Variants in MBLAC2 observed in about 807,000 individuals in gnomAD.
MBLAC2 encodes the protein acyl-coenzyme A thioesterase MBLAC2.
In MBLAC2, 24 loss-of-function variants were observed where a neutral mutation model predicts 23.3. The ratio of observed to expected loss-of-function variants is 1.03; its 90% CI spans 0.75 to 1.45. The LOEUF (loss-of-function observed/expected upper bound fraction) is 1.45. Among genes scored for constraint, MBLAC2 ranks in the 40% most tolerant of loss-of-function variants. The pLI is 0.00. For missense variants in MBLAC2, 358 were observed against 370.0 expected (o/e 0.97, Z 0.27); for synonymous variants, 162 against 150.9 (o/e 1.07, Z -0.54).
chr5:90,474,366 A>C lies in MBLAC2; in HGVS notation c.-74T>G. 2.9e-6 allele frequency: 4 copies of C among 1,376,036 alleles called. No homozygotes were observed. In the South Asian group the frequency reaches 3.6e-5, roughly 13 times the overall value. 85.2% of individuals were successfully genotyped at this position (1,376,036 alleles called of 1,614,324 possible). A position where few individuals can be genotyped will look rare whatever the true frequency, so the allele number is the denominator to read the frequency against. On this transcript the variant is annotated 5_prime_UTR_variant, in exon 1 of 2. Transcript: ENST00000316610. The stretch of plus-strand genomic sequence containing the variant: ...CCCACAGGCTGTCCACACACAGGGC[A>C]CTGCGGCTGTGTGAAGCGGTCTGCC...
Position 90,458,470 on chromosome 5 carries a change from T to C in MBLAC2, c.*2697A>G, listed in dbSNP as rs1436699108. On this transcript the variant is annotated 3_prime_UTR_variant, in exon 2 of 2. Transcript: ENST00000316610. ...AAATTACTTCTAAATGTCTTACATTTTGACAACTTTGAATTATACTTACAT... is the reference window on the plus strand; with the variant it reads ...AAATTACTTCTAAATGTCTTACATTCTGACAACTTTGAATTATACTTACAT... 1 of 152,202 alleles carries C rather than the reference T, an allele frequency of 6.6e-6. No individual in the cohort carries two copies. The highest frequency in any genetic ancestry group is 1.9e-4 in the East Asian group (1 of 5,204). The allele number at this position is 152,202 out of a possible 1,614,324, so 9.4% of individuals were successfully genotyped here.
chr5:90,462,798 G>C (rs1190990806), intron 1 of MBLAC2, among the ~76,000 whole-genome samples: 5 of 152,046 alleles, frequency 3.3e-5, no homozygotes, highest in Admixed American at 6.6e-5. Context: ...ATTCTTCTCT[G>C]TGTAATTCAT....
Position 90,469,806 on chromosome 5 carries a change from C to A in MBLAC2, c.454+4033G>T, listed in dbSNP as rs867228831. Among the ~76,000 whole-genome samples the A allele has an allele frequency of 9.2e-5, 14 of 152,238 alleles. No homozygotes were observed. The South Asian group carries it at 1.5e-3, about 16-fold the overall frequency. ...GGGATGTAAATTAGTACAGCAACTA[C>A]GGAAAATGGTATGGAGGTTCCTCAA... On this transcript the variant is annotated intron_variant, in intron 1 of 1. Coordinates refer to ENST00000316610, the MANE Select transcript of MBLAC2 (RefSeq NM_203406.2).
At chr5:90,467,137 T>TA (rs1210954281) in intron 1 of MBLAC2, among the ~76,000 whole-genome samples, 4 of 152,052 alleles carry the variant, frequency 2.6e-5, no homozygotes, top group African/African-American at 9.7e-5. Flanking sequence ...CTCAAAAAAG[T>TA]AAAAAATAAA....
At position 90,474,161 on chromosome 5, in the gene MBLAC2, G is replaced by A. The variant is rs1025238708; in HGVS notation, c.132C>T (p.Ile44=). ...LVRGSEQDVV[I]DTGLGLRSLP... is the part of the protein sequence containing the mutation. ...GGCTGCGCAGCCCCAGGCCTGTATC[G>A]ATCACCACGTCCTGCTCGGAGCCGC... is the stretch of plus-strand genomic sequence containing the variant. Residue 44 remains isoleucine (I), a synonymous_variant, in exon 1 of 2, where the codon ATC becomes ATT. Coordinates refer to ENST00000316610, the MANE Select transcript of MBLAC2 (RefSeq NM_203406.2). The A allele has an allele frequency of 5.6e-6, 9 of 1,599,620 alleles. No homozygotes were observed. Among genetic ancestry groups the A allele is most frequent in the African/African-American group, 1.3e-5 (1 of 74,738 alleles).
intron 1 of MBLAC2, among the ~76,000 whole-genome samples, chr5:90,470,337 G>T (rs1750523723): frequency 6.6e-6 from 1 of 152,212 alleles, no homozygotes; most frequent in Admixed American, 6.5e-5. Flanking sequence ...ATAGCTAGAA[G>T]ATTTGGAATG....
chr5:90,461,955 A>G (rs1283984835), intron 1 of MBLAC2, among the ~76,000 whole-genome samples: 1 of 152,210 alleles, frequency 6.6e-6, no homozygotes, highest in East Asian at 1.9e-4. Context: ...CAATTTCTCA[A>G]ACTTATTTGA....
At chr5:90,472,520 C>T (rs1750573119) in intron 1 of MBLAC2, 1 of 151,404 alleles carries the variant, frequency 6.6e-6, no homozygotes, top group African/African-American at 2.4e-5. Flanking sequence ...TTTTTTAGCA[C>T]CGATAAGCAG....
Position 90,474,314 on chromosome 5 carries a change from G to A in MBLAC2, c.-22C>T. On this transcript the variant is annotated 5_prime_UTR_variant, in exon 1 of 2. Coordinates refer to ENST00000316610, the MANE Select transcript of MBLAC2 (RefSeq NM_203406.2). The stretch of plus-strand genomic sequence containing the variant: ...ACATGCTGGGCAGGGGTGCAGCCAG[G>A]CGGGGTGAGTGTGGGCGTGCGAGTC... 6.2e-7 allele frequency: 1 copy of A among 1,607,682 alleles called. No individual in the cohort carries two copies. The highest frequency in any genetic ancestry group is 2.2e-5 in the East Asian group (1 of 44,806).
rs1470628390 is a variant in MBLAC2 at position 90,461,394 on chromosome 5, T to C, written c.613A>G (p.Ile205Val). Reference protein sequence around the residue: ...SLIDWLPYSRISDYVGTCERL... With the variant: ...SLIDWLPYSRVSDYVGTCERL... Reference sequence around the variant, plus strand: ...TCACAAGTTCCAACATAGTCACTTATCCTGCTGTATGGGAGCCAGTCAATC... The same window carrying C: ...TCACAAGTTCCAACATAGTCACTTACCCTGCTGTATGGGAGCCAGTCAATC... Residue 205 changes from isoleucine (I) to valine (V), a missense_variant, in exon 2 of 2, where the codon ATA becomes GTA. Ile to Val is a conservative substitution (Grantham distance 29). Coordinates refer to ENST00000316610, the MANE Select transcript of MBLAC2 (RefSeq NM_203406.2). 2 of 1,614,050 alleles carry C rather than the reference T, an allele frequency of 1.2e-6. No homozygotes were observed. Among genetic ancestry groups the C allele is most frequent in the African/African-American group, 2.7e-5 (2 of 74,918 alleles).
rs9293544 is a variant in MBLAC2, at chr5:90,474,017, G to A, written c.276C>T (p.Leu92=). 14,412 of 1,595,326 alleles carry A rather than the reference G, an allele frequency of 9.0e-3. 1,116 individuals are homozygous for A. In the African/African-American group the frequency reaches 0.17, roughly 19 times the overall value. ...GCACTGCCACGCGGTCGAACTGGTA[G>A]AGGCCGCCGGAGTGGTCGAAGTGCA... ...THVHFDHSGG[L]YQFDRVAVHH... is the part of the protein sequence containing the mutation. Residue 92 remains leucine (L), a synonymous_variant, in exon 1 of 2, where the codon CTC becomes CTT. Coordinates refer to ENST00000316610, the MANE Select transcript of MBLAC2 (RefSeq NM_203406.2).
chr5:90,471,194 A>T (rs779026223), intron 1 of MBLAC2, among the ~76,000 whole-genome samples: 1 of 152,206 alleles, frequency 6.6e-6, no homozygotes, highest in Non-Finnish European at 1.5e-5. Flanking sequence ...GCTTCGGAAG[A>T]GAGCCAAATT....
At chr5:90,471,001 T>C (rs1187934907) in intron 1 of MBLAC2, among the ~76,000 whole-genome samples, 1 of 152,208 alleles carries the variant, frequency 6.6e-6, no homozygotes, top group African/African-American at 2.4e-5. Flanking sequence ...CTACTGCCTA[T>C]TGCAAATTCC....
At chr5:90,469,918 A>C (rs1393228384) in intron 1 of MBLAC2, among the ~76,000 whole-genome samples, 1 of 152,236 alleles carries the variant, frequency 6.6e-6, no homozygotes, top group Non-Finnish European at 1.5e-5. Context: ...AATACTAAAG[A>C]GATAACTGCA....
At chr5:90,466,929 G>C (rs746058762) in intron 1 of MBLAC2, among the ~76,000 whole-genome samples, 108 of 152,282 alleles carry the variant, frequency 7.1e-4, no homozygotes, top group Non-Finnish European at 1.2e-3. Flanking sequence ...CTTGAGGTCA[G>C]GAGTTCGAGA....
At chr5:90,471,240 CT>C (rs1414263822) in intron 1 of MBLAC2, among the ~76,000 whole-genome samples, 8 of 152,150 alleles carry the variant, frequency 5.3e-5, no homozygotes. Context: ...TTCCTACAAC[CT>C]GTTTTAGCCT....
intron 1 of MBLAC2, 71 bp downstream of exon 1, chr5:90,473,768 A>G (rs751983290): frequency 6.0e-5 from 84 of 1,406,666 alleles, no homozygotes; most frequent in Admixed American, 1.2e-4. Flanking sequence ...AGTCTGCAAC[A>G]TGCGGCACTC....
rs1385472436 is a variant in MBLAC2 at position 90,474,654 on chromosome 5, G to C, written c.-362C>G. ...GGTGGCGACCGTTTCGCCACCCCGG[G>C]CGTGTGACAGCAGAGGCCCGCAGTG... On this transcript the variant is annotated 5_prime_UTR_variant, in exon 1 of 2. Coordinates refer to ENST00000316610, the MANE Select transcript of MBLAC2 (RefSeq NM_203406.2). 3.3e-6 allele frequency: 1 copy of C among 299,742 alleles called. No homozygotes were observed. The highest frequency in any genetic ancestry group is 6.3e-6 in the Non-Finnish European group (1 of 158,594). The allele number at this position is 299,742 out of a possible 1,614,324, so 18.6% of individuals were successfully genotyped here.
At chr5:90,469,025 G>C (rs901493926) in intron 1 of MBLAC2, among the ~76,000 whole-genome samples, 6 of 152,074 alleles carry the variant, frequency 3.9e-5, no homozygotes, top group Non-Finnish European at 4.4e-5. Flanking sequence ...CATGGAACTA[G>C]AAAATATAAG....
Sources: gnomAD v4.1 joint callset for allele counts (sites outside exome capture counted in the v4.1 genomes callset) on GRCh38, gnomAD v4.1.1 for gene constraint, MANE v1.5 for transcripts, NCBI Gene and HGNC (gene_info 2026-07-23, HGNC 2026-07-21) for gene names.